SH3RF3: variants seen among roughly 807,000 people sequenced by gnomAD.
SH3RF3 encodes the protein SH3 domain containing ring finger 3.
Under a neutral mutation model 66.3 loss-of-function variants are expected in SH3RF3, and 29 were observed. The observed-to-expected ratio is 0.44, with a 90% CI of 0.33 to 0.60. The LOEUF (loss-of-function observed/expected upper bound fraction) is 0.60, where lower values mean the gene tolerates loss of function less well. Ranked by LOEUF, SH3RF3 falls within the 20% of genes least tolerant of loss-of-function variation. The pLI is 0.04. For missense variants in SH3RF3, 1,194 were observed against 1,190.9 expected (o/e 1.00, Z -0.04); for synonymous variants, 583 against 532.0 (o/e 1.10, Z -1.32).
intron 8 of SH3RF3, among the ~76,000 whole-genome samples, chr2:109,450,985 C>T (rs531934921): frequency 7.9e-5 from 12 of 152,344 alleles, no homozygotes; most frequent in African/African-American, 2.2e-4. Context: ...GCTGACTCGG[C>T]GGGCTCTCTG....
At chr2:109,465,576 C>T (rs1678319124) in intron 8 of SH3RF3, among the ~76,000 whole-genome samples, 1 of 152,326 alleles carries the variant, frequency 6.6e-6, no homozygotes, top group South Asian at 2.1e-4. Context: ...TCCCTAATGA[C>T]ATCTGTATTA....
At chr2:109,425,439 C>T (rs1385790710) in intron 5 of SH3RF3, among the ~76,000 whole-genome samples, 1 of 152,200 alleles carries the variant, frequency 6.6e-6, no homozygotes, top group African/African-American at 2.4e-5. Flanking sequence ...ACTTTCATAG[C>T]TAGAGAGGAG....
intron 3 of SH3RF3, among the ~76,000 whole-genome samples, chr2:109,391,840 C>G (rs1001697425): frequency 2.6e-5 from 4 of 152,014 alleles, no homozygotes; most frequent in African/African-American, 9.7e-5. Context: ...AAAATATGGT[C>G]TTCTTTTTTT....
intron 1 of SH3RF3, among the ~76,000 whole-genome samples, chr2:109,243,292 A>C (rs1052048190): frequency 1.4e-4 from 21 of 152,372 alleles, no homozygotes; most frequent in Middle Eastern, 3.4e-3. Context: ...CGTACACCGC[A>C]TGGATCCTGA....
chr2:109,401,059 G>A (rs1415501445), intron 4 of SH3RF3, among the ~76,000 whole-genome samples: 6 of 152,190 alleles, frequency 3.9e-5, no homozygotes, highest in African/African-American at 1.4e-4. Context: ...CACATCTGGG[G>A]GGTAAAGCCA....
intron 1 of SH3RF3, among the ~76,000 whole-genome samples, chr2:109,303,917 T>G (rs1341627987): frequency 6.6e-6 from 1 of 152,040 alleles, no homozygotes; most frequent in African/African-American, 2.4e-5. Flanking sequence ...ATCCTTACTA[T>G]AAGATATAAC....
intron 2 of SH3RF3, among the ~76,000 whole-genome samples, chr2:109,359,918 C>G (rs2105620092): frequency 6.6e-6 from 1 of 152,232 alleles, no homozygotes; most frequent in African/African-American, 2.4e-5. Flanking sequence ...AGGTTCTCCA[C>G]GTGAAAAGAG....
At chr2:109,242,811 C>G (rs1021858483) in intron 1 of SH3RF3, among the ~76,000 whole-genome samples, 7 of 152,140 alleles carry the variant, frequency 4.6e-5, no homozygotes, top group Non-Finnish European at 1.0e-4. Flanking sequence ...GATGGGGACC[C>G]TCACTCTGTG....
chr2:109,183,373 G>A (rs1678112677), intron 1 of SH3RF3, among the ~76,000 whole-genome samples: 1 of 152,192 alleles, frequency 6.6e-6, no homozygotes, highest in African/African-American at 2.4e-5. Context: ...CAAAGAGATG[G>A]TGAACTCTCC....
intron 1 of SH3RF3, among the ~76,000 whole-genome samples, chr2:109,237,541 C>T (rs1247944151): frequency 6.6e-6 from 1 of 152,128 alleles, no homozygotes; most frequent in African/African-American, 2.4e-5. Context: ...CAGGGAATGG[C>T]TTTGAATGTG....
chr2:109,384,306 C>G (rs1401063960), intron 3 of SH3RF3, among the ~76,000 whole-genome samples: 1 of 152,212 alleles, frequency 6.6e-6, no homozygotes, highest in Admixed American at 6.5e-5. Flanking sequence ...GGGGATTCTA[C>G]TCTCCGTGGA....
At chr2:109,416,368 G>A (rs535363785) in intron 4 of SH3RF3, among the ~76,000 whole-genome samples, 5 of 152,016 alleles carry the variant, frequency 3.3e-5, no homozygotes, top group African/African-American at 1.2e-4. Context: ...GCTGAGGAGG[G>A]CAGATCACCT....
chr2:109,429,500 G>A (rs965858261), intron 5 of SH3RF3, among the ~76,000 whole-genome samples: 10 of 152,264 alleles, frequency 6.6e-5, no homozygotes, highest in South Asian at 4.1e-4. Context: ...CCTGGTGCAC[G>A]TCAGGGCAGC....
intron 8 of SH3RF3, among the ~76,000 whole-genome samples, chr2:109,463,831 C>G (rs1302907093): frequency 1.3e-5 from 2 of 152,102 alleles, no homozygotes; most frequent in African/African-American, 2.4e-5. Context: ...CAGTGGAGGC[C>G]CCTTTCTCCC....
At chr2:109,193,862 G>A (rs1182515102) in intron 1 of SH3RF3, among the ~76,000 whole-genome samples, 2 of 152,190 alleles carry the variant, frequency 1.3e-5, no homozygotes, top group Non-Finnish European at 2.9e-5. Flanking sequence ...CCGGGGATGG[G>A]TTTTCTGATA....
rs1455641202 is a variant in SH3RF3, at chr2:109,350,760, G to A, written c.849+2811G>A. On this transcript the variant is annotated intron_variant, in intron 2 of 9. Transcript: ENST00000309415. ...AACCTCCATGTGAATCAGACCTCCA[G>A]GAACCAAATGATTCCAGTGCTGCAG... 3.3e-5 allele frequency among the ~76,000 whole-genome samples: 5 copies of A among 152,358 alleles called. 1 individual carries two copies. The highest frequency in any genetic ancestry group is 6.8e-3 in the Middle Eastern group (2 of 294).
chr2:109,343,362 A>G (rs1450855915), intron 1 of SH3RF3, among the ~76,000 whole-genome samples: 1 of 147,596 alleles, frequency 6.8e-6, no homozygotes, highest in African/African-American at 2.5e-5. Flanking sequence ...ATCTTCCTTG[A>G]CTCTTTTTTT....
chr2:109,497,879 G>A (rs1679293426), intron 9 of SH3RF3, among the ~76,000 whole-genome samples: 1 of 152,224 alleles, frequency 6.6e-6, no homozygotes, highest in South Asian at 2.1e-4. Flanking sequence ...TTCAAAGTCT[G>A]AGAAATCATC....
At chr2:109,415,728 C>T (rs918349974) in intron 4 of SH3RF3, among the ~76,000 whole-genome samples, 1 of 152,174 alleles carries the variant, frequency 6.6e-6, no homozygotes, top group Non-Finnish European at 1.5e-5. Context: ...CCCTTTGCCT[C>T]CAAACCGTCA....
Sources: gnomAD v4.1 joint callset for allele counts (sites outside exome capture counted in the v4.1 genomes callset) on GRCh38, gnomAD v4.1.1 for gene constraint, MANE v1.5 for transcripts, NCBI Gene and HGNC (gene_info 2026-07-23, HGNC 2026-07-21) for gene names.